The following ZFHX3 variants were observed in gnomAD, a reference collection of about 807,000 sequenced individuals.
ZFHX3 encodes zinc finger homeobox protein 3.
ZFHX3 carries 42 observed loss-of-function variants against 279.1 expected under a neutral mutation model. The ratio of observed to expected loss-of-function variants is 0.15; its 90% CI spans 0.12 to 0.19. The LOEUF is 0.19. ZFHX3 is among the 10% of genes least tolerant of loss of function. The probability of loss-of-function intolerance (pLI) is 1.00; values close to 1 mark genes in which losing one functional copy is unlikely to be tolerated. For synonymous variants in ZFHX3, 2,293 were observed against 1,957.8 expected (o/e 1.17, Z -4.52); for missense variants, 4,981 against 4,754.0 (o/e 1.05, Z -1.40).
intron 1 of ZFHX3, among the ~76,000 whole-genome samples, chr16:72,994,023 A>G (rs146871440): frequency 9.5e-4 from 145 of 152,220 alleles, no homozygotes; most frequent in Middle Eastern, 3.4e-3. Flanking sequence ...GATTTCTCAG[A>G]CACCCCTCTA....
At chr16:73,402,483 T>A (rs117548872) in intron 3 of ZFHX3, 1 of 152,362 alleles carries the variant, frequency 6.6e-6, no homozygotes, top group East Asian at 1.9e-4. Context: ...TCATGTCATA[T>A]GGCTACAAAA....
chr16:72,875,016 C>G (rs897987690), intron 4 of ZFHX3, among the ~76,000 whole-genome samples: 5 of 152,242 alleles, frequency 3.3e-5, no homozygotes, highest in Non-Finnish European at 1.5e-5. Context: ...CTCTCTTCCT[C>G]TGAAAGGGGG....
chr16:72,790,944 C>T (rs1177030348), intron 9 of ZFHX3: 5 of 152,194 alleles, frequency 3.3e-5, no homozygotes, highest in Non-Finnish European at 5.9e-5. Flanking sequence ...TTTTAAGAAA[C>T]GTTTACGAAT....
intron 4 of ZFHX3, among the ~76,000 whole-genome samples, chr16:72,872,160 C>T (rs945659583): frequency 6.6e-6 from 1 of 152,148 alleles, no homozygotes; most frequent in African/African-American, 2.4e-5. Context: ...TCCTAACATC[C>T]CCAGTCCAAT....
intron 1 of ZFHX3, among the ~76,000 whole-genome samples, chr16:72,983,931 A>G (rs1455418789): frequency 1.3e-5 from 2 of 152,028 alleles, no homozygotes; most frequent in South Asian, 2.1e-4. Context: ...CCCCGGCCCC[A>G]CCAGTTATAG....
intron 5 of ZFHX3, among the ~76,000 whole-genome samples, chr16:72,815,566 A>G (rs926987351): frequency 3.9e-5 from 6 of 152,220 alleles, no homozygotes; most frequent in Non-Finnish European, 8.8e-5. Context: ...CAGTTCTGTC[A>G]CTAGCATACA....
chr16:73,159,260 G>T (rs1416427926), intron 5 of ZFHX3, among the ~76,000 whole-genome samples: 2 of 152,192 alleles, frequency 1.3e-5, no homozygotes, highest in Admixed American at 1.3e-4. Context: ...TCCTTTAGAA[G>T]AACGTGATAT....
chr16:73,802,197 C>T (rs1278195236), intron 1 of ZFHX3, among the ~76,000 whole-genome samples: 1 of 151,948 alleles, frequency 6.6e-6, no homozygotes, highest in Non-Finnish European at 1.5e-5. Context: ...TTCATAAAAC[C>T]CCACTCCCAG....
intron 3 of ZFHX3, among the ~76,000 whole-genome samples, chr16:73,369,525 A>T (rs1280467599): frequency 6.6e-6 from 1 of 152,198 alleles, no homozygotes; most frequent in Admixed American, 6.5e-5. Flanking sequence ...CTGATTGCTC[A>T]TCAGTAAAAT....
chr16:73,780,775 T>C (rs1959443835), intron 1 of ZFHX3, among the ~76,000 whole-genome samples: 1 of 152,232 alleles, frequency 6.6e-6, no homozygotes. Flanking sequence ...AGACTCATCA[T>C]TCTCTGTTAA....
chr16:73,753,444 C>A lies in ZFHX3; in HGVS notation c.-1607-73204G>T, dbSNP rs560475989. On this transcript the variant is annotated intron_variant, in intron 1 of 17. Transcript: ENST00000641206. ...CACGGCGATTACCCAGAATTTACTT[C>A]TCCTTTCCTAGAAGGTCCTAAATAA... is the stretch of plus-strand genomic sequence containing the variant. 5.9e-5 allele frequency among the ~76,000 whole-genome samples: 9 copies of A among 152,302 alleles called. No homozygotes were observed. The South Asian group carries it at 1.9e-3, about 32-fold the overall frequency.
chr16:72,956,131 G>C (rs1961240139), intron 2 of ZFHX3, among the ~76,000 whole-genome samples: 1 of 152,180 alleles, frequency 6.6e-6, no homozygotes, highest in African/African-American at 2.4e-5. Context: ...TGAATACATA[G>C]CAAGAAAAAC....
intron 2 of ZFHX3, among the ~76,000 whole-genome samples, chr16:73,634,441 T>C (rs1448677906): frequency 7.1e-6 from 1 of 140,946 alleles, no homozygotes; most frequent in Non-Finnish European, 1.5e-5. Flanking sequence ...ATAATATATA[T>C]ATATATATAT....
rs28649164 is a variant in ZFHX3, at chr16:73,100,521, G to A, written c.-896-6923C>T. ...AGCCCCTTCACCATACTTAAATGGA[G>A]ACATCTCCCAGTTTTCTGATTTCCA... On this transcript the variant is annotated intron_variant, in intron 7 of 17. Transcript: ENST00000641206. 9.0e-3 allele frequency among the ~76,000 whole-genome samples: 1,368 copies of A among 152,100 alleles called. 28 individuals are homozygous for A. Among genetic ancestry groups the A allele is most frequent in the African/African-American group, 0.031 (1,286 of 41,482 alleles).
At chr16:73,755,038 C>A (rs1043769518) in intron 1 of ZFHX3, among the ~76,000 whole-genome samples, 1 of 152,274 alleles carries the variant, frequency 6.6e-6, no homozygotes, top group Admixed American at 6.5e-5. Flanking sequence ...TGTGTCATTT[C>A]TACTTTACAT....
At chr16:73,236,501 A>C (rs1013312817) in intron 5 of ZFHX3, among the ~76,000 whole-genome samples, 1 of 152,114 alleles carries the variant, frequency 6.6e-6, no homozygotes, top group African/African-American at 2.4e-5. Flanking sequence ...GAAGCACGGG[A>C]ATTGCTGAAT....
At chr16:73,167,738 C>T (rs1967406527) in intron 5 of ZFHX3, among the ~76,000 whole-genome samples, 1 of 152,194 alleles carries the variant, frequency 6.6e-6, no homozygotes, top group South Asian at 2.1e-4. Context: ...ATAGCAACTT[C>T]AAACTAACAT....
intron 7 of ZFHX3, chr16:73,123,508 C>T (rs1966524994): frequency 6.6e-6 from 1 of 150,676 alleles, no homozygotes; most frequent in Non-Finnish European, 1.5e-5. Flanking sequence ...ACCACCAGGC[C>T]TCAGACAGTC....
At chr16:73,360,496 G>T (rs2016417209) in intron 3 of ZFHX3, among the ~76,000 whole-genome samples, 1 of 152,144 alleles carries the variant, frequency 6.6e-6, no homozygotes, top group Non-Finnish European at 1.5e-5. Flanking sequence ...CCACCGCTAT[G>T]CCCAGCTAAT....
Sources: gnomAD v4.1 joint callset for allele counts (sites outside exome capture counted in the v4.1 genomes callset) on GRCh38, gnomAD v4.1.1 for gene constraint, MANE v1.5 for transcripts, NCBI Gene and HGNC (gene_info 2026-07-23, HGNC 2026-07-21) for gene names.